Variants in CAMKMT observed in about 807,000 individuals in gnomAD.
CAMKMT encodes the protein CaM KMT.
CAMKMT carries 53 observed loss-of-function variants against 48.0 expected under a neutral mutation model. The observed-to-expected ratio is 1.10, with a 90% CI of 0.89 to 1.39. The LOEUF is 1.39. Ranked by LOEUF, CAMKMT falls within the 40% of genes most tolerant of loss-of-function variation. CAMKMT has a pLI of 0.00. For synonymous variants in CAMKMT, 165 were observed against 152.3 expected, an observed-to-expected ratio of 1.08 and a Z score of -0.61; for missense variants, 428 against 402.7, an observed-to-expected ratio of 1.06 and a Z score of -0.54.
At chr2:44,584,777 G>A (rs571156444) in intron 3 of CAMKMT, among the ~76,000 whole-genome samples, 15 of 152,060 alleles carry the variant, frequency 9.9e-5, no homozygotes, top group East Asian at 1.9e-4. Flanking sequence ...ATAGTAGGCC[G>A]GGTGCGGTGG....
intron 3 of CAMKMT, among the ~76,000 whole-genome samples, chr2:44,599,929 A>G (rs979230777): frequency 6.6e-6 from 1 of 152,032 alleles, no homozygotes; most frequent in South Asian, 2.1e-4. Context: ...CTTCAAAACG[A>G]TTTGGTACTC....
intron 8 of CAMKMT, among the ~76,000 whole-genome samples, chr2:44,745,642 G>GT (rs1026197428): frequency 4.2e-4 from 61 of 145,440 alleles, no homozygotes; most frequent in South Asian, 8.7e-4. Flanking sequence ...TGCATGAATT[G>GT]TTTTTTTTTT....
chr2:44,721,460 C>T (rs758620551), intron 7 of CAMKMT, among the ~76,000 whole-genome samples: 1 of 152,126 alleles, frequency 6.6e-6, no homozygotes, highest in Non-Finnish European at 1.5e-5. Flanking sequence ...CTAGTAGTTA[C>T]TTATTCACAG....
chr2:44,471,088 G>T (rs576638894), intron 3 of CAMKMT, among the ~76,000 whole-genome samples: 4 of 144,620 alleles, frequency 2.8e-5, no homozygotes, highest in African/African-American at 1.0e-4. Flanking sequence ...TCCGCCTTCC[G>T]ATTTCAAGCA....
intron 7 of CAMKMT, among the ~76,000 whole-genome samples, chr2:44,737,754 T>TTCTC (rs140977311): frequency 2.7e-5 from 4 of 149,024 alleles, no homozygotes; most frequent in Non-Finnish European, 4.5e-5. Context: ...CTCTCTCTCT[T>TTCTC]TCTCTCTCTC....
chr2:44,748,824 C>A (rs539160536), intron 8 of CAMKMT, among the ~76,000 whole-genome samples: 2 of 152,210 alleles, frequency 1.3e-5, no homozygotes, highest in Non-Finnish European at 2.9e-5. Flanking sequence ...TTGCAGTGAG[C>A]CAAGATCGCT....
At chr2:44,710,359 A>C (rs929145174) in intron 6 of CAMKMT, among the ~76,000 whole-genome samples, 1 of 152,184 alleles carries the variant, frequency 6.6e-6, no homozygotes, top group Non-Finnish European at 1.5e-5. Context: ...GTCTGGAAAG[A>C]TATTAAGACT....
At chr2:44,595,408 G>A (rs1021582218) in intron 3 of CAMKMT, among the ~76,000 whole-genome samples, 1 of 152,154 alleles carries the variant, frequency 6.6e-6, no homozygotes, top group Non-Finnish European at 1.5e-5. Flanking sequence ...CCTGGCAATT[G>A]CTACAAAGAG....
chr2:44,697,975 G>A (rs1368110182), intron 3 of CAMKMT, among the ~76,000 whole-genome samples: 1 of 152,184 alleles, frequency 6.6e-6, no homozygotes, highest in Non-Finnish European at 1.5e-5. Context: ...GCTACTGTTT[G>A]TCTTAGCCAT....
At chr2:44,629,688 T>G (rs1400633870) in intron 3 of CAMKMT, among the ~76,000 whole-genome samples, 3 of 152,100 alleles carry the variant, frequency 2.0e-5, no homozygotes, top group East Asian at 1.9e-4. Flanking sequence ...CACCTTACAA[T>G]GGACATGAAG....
intron 3 of CAMKMT, among the ~76,000 whole-genome samples, chr2:44,573,660 T>A (rs1210083905): frequency 1.3e-5 from 2 of 152,154 alleles, no homozygotes; most frequent in African/African-American, 2.4e-5. Flanking sequence ...TATAAAAATA[T>A]TCTCTGAAAT....
At chr2:44,472,263 T>A (rs975989228) in intron 3 of CAMKMT, among the ~76,000 whole-genome samples, 12 of 152,132 alleles carry the variant, frequency 7.9e-5, no homozygotes, top group Non-Finnish European at 1.8e-4. Flanking sequence ...TTAGTAGAGA[T>A]GGGGTTTCAC....
intron 9 of CAMKMT, among the ~76,000 whole-genome samples, chr2:44,757,789 C>T (rs1382987438): frequency 6.6e-6 from 1 of 152,140 alleles, no homozygotes; most frequent in East Asian, 1.9e-4. Flanking sequence ...GTCTCGAACT[C>T]CTGACCTCGT....
intron 3 of CAMKMT, among the ~76,000 whole-genome samples, chr2:44,399,758 T>TCC (rs1682191340): frequency 6.6e-6 from 1 of 152,190 alleles, no homozygotes; most frequent in Non-Finnish European, 1.5e-5. Context: ...TGTAGGATTT[T>TCC]TCTTGCAGGA....
At chr2:44,771,070 C>T (rs950114026) in intron 10 of CAMKMT, among the ~76,000 whole-genome samples, 5 of 152,240 alleles carry the variant, frequency 3.3e-5, no homozygotes, top group Non-Finnish European at 2.9e-5. Flanking sequence ...ACATGCACTT[C>T]GAAAAGATTC....
chr2:44,456,035 T>G (rs1667545179), intron 3 of CAMKMT, among the ~76,000 whole-genome samples: 2 of 152,278 alleles, frequency 1.3e-5, no homozygotes, highest in Admixed American at 1.3e-4. Context: ...ACTAATAAAC[T>G]CTTTGAGGAT....
At chr2:44,363,211 C>T (rs1265572193) in intron 1 of CAMKMT, among the ~76,000 whole-genome samples, 1 of 152,134 alleles carries the variant, frequency 6.6e-6, no homozygotes, top group Non-Finnish European at 1.5e-5. Context: ...CAGTAATGAT[C>T]TGGTTTTGCT....
At chr2:44,689,293 T>TTTAC (rs1412928169) in intron 3 of CAMKMT, among the ~76,000 whole-genome samples, 49 of 150,268 alleles carry the variant, frequency 3.3e-4, no homozygotes, top group African/African-American at 1.1e-3. Context: ...TATTTATTTA[T>TTTAC]TTATTTATTT....
chr2:44,704,695 A>T lies in CAMKMT; in HGVS notation c.437+352A>T, dbSNP rs1307741619. Reference sequence around the variant, plus strand: ...ATTGTGAAGGTCAAAAAAAAAAAAAAAAAAACCAATAAAGACATTCTTTAA... The same window carrying T: ...ATTGTGAAGGTCAAAAAAAAAAAAATAAAAACCAATAAAGACATTCTTTAA... On this transcript the variant is annotated intron_variant, in intron 4 of 10. Coordinates refer to ENST00000378494, the MANE Select transcript of CAMKMT (RefSeq NM_024766.5). 2.6e-5 allele frequency among the ~76,000 whole-genome samples: 4 copies of T among 151,780 alleles called. No homozygotes were observed. In the South Asian group the frequency reaches 6.2e-4, roughly 24 times the overall value.
Sources: gnomAD v4.1 joint callset for allele counts (sites outside exome capture counted in the v4.1 genomes callset) on GRCh38, gnomAD v4.1.1 for gene constraint, MANE v1.5 for transcripts, NCBI Gene and HGNC (gene_info 2026-07-23, HGNC 2026-07-21) for gene names.